Variants in SRSF10 observed in about 807,000 individuals in gnomAD.
SRSF10 encodes the protein serine/arginine-rich splicing factor 10.
Under a neutral mutation model 32.6 loss-of-function variants are expected in SRSF10, and 9 were observed. The observed-to-expected ratio is 0.28, with a 90% CI of 0.17 to 0.48. The LOEUF (loss-of-function observed/expected upper bound fraction) is 0.48. Among genes scored for constraint, SRSF10 ranks in the 20% least tolerant of loss-of-function variants. The probability of loss-of-function intolerance (pLI) is 0.99; values close to 1 mark genes in which losing one functional copy is unlikely to be tolerated. For missense variants in SRSF10, 201 were observed against 331.8 expected, an observed-to-expected ratio of 0.61 and a Z score of 3.06; for synonymous variants, 105 against 112.4, an observed-to-expected ratio of 0.93 and a Z score of 0.42.
chr1:23,974,560 C>G (rs962324979), intron 3 of SRSF10, among the ~76,000 whole-genome samples: 1 of 152,140 alleles, frequency 6.6e-6, no homozygotes, highest in Non-Finnish European at 1.5e-5. Flanking sequence ...CAGTAGCTCA[C>G]GCCTGTAATC....
At chr1:23,972,436 T>TC (rs1347361035) in intron 3 of SRSF10, among the ~76,000 whole-genome samples, 1 of 151,160 alleles carries the variant, frequency 6.6e-6, no homozygotes, top group Non-Finnish European at 1.5e-5. Context: ...GGTGTCTTTT[T>TC]TTTTTAATTA....
At chr1:23,980,110 C>A (rs1642372462) in intron 1 of SRSF10, 81 bp downstream of exon 1, 7 of 1,413,634 alleles carry the variant, frequency 5.0e-6, no homozygotes, top group South Asian at 3.8e-5. Flanking sequence ...CCTCCCCCGG[C>A]CCAGTGCCGC....
Position 23,980,217 on chromosome 1 carries a change from G to T in SRSF10, c.39C>A (p.Phe13Leu). ...RYLRPPNTSL[F>L]VRNVADDTRS... ...TGGTGTCGTCGGCCACGTTCCTGACGAACAGAGACGTGTTGGGGGGACGCA... is the reference window on the plus strand; with the variant it reads ...TGGTGTCGTCGGCCACGTTCCTGACTAACAGAGACGTGTTGGGGGGACGCA... The change falls in exon 1 of 6, where the codon TTC becomes TTA. Residue 13 changes from phenylalanine (F) to leucine (L), a missense_variant. Physicochemically the swap from Phe to Leu is conservative, Grantham distance 22. This residue lies in a region of SRSF10 where 41 missense variants were observed against 109.5 expected (regional missense o/e 0.37). Coordinates refer to ENST00000492112, the MANE Select transcript of SRSF10 (RefSeq NM_054016.4). 1 of 1,529,188 alleles carries T rather than the reference G, an allele frequency of 6.5e-7. No individual in the cohort carries two copies. The highest frequency in any genetic ancestry group is 2.7e-5 in the East Asian group (1 of 37,268). 94.7% of individuals were successfully genotyped at this position (1,529,188 alleles called of 1,614,324 possible).
chr1:23,977,701 G>A lies in SRSF10; in HGVS notation c.170+1012C>T, dbSNP rs374908648. 4.3e-3 allele frequency: 910 copies of A among 213,744 alleles called. 7 individuals are homozygous for A. Among genetic ancestry groups the A allele is most frequent in the African/African-American group, 0.018 (778 of 42,538 alleles). 13.2% of individuals were successfully genotyped at this position (213,744 alleles called of 1,614,324 possible). ...ACCACCTGGTCCAAAACCAAAATAT[G>A]CTGAATTTAATCTTAAGAATATACA... On this transcript the variant is annotated intron_variant, in intron 2 of 5. Coordinates refer to ENST00000492112, the MANE Select transcript of SRSF10 (RefSeq NM_054016.4).
intron 2 of SRSF10, chr1:23,977,943 T>C: frequency 1.0e-6 from 1 of 985,344 alleles, no homozygotes; most frequent in African/African-American, 1.7e-5. Flanking sequence ...TTGGCCATCA[T>C]TCAACTTCAT....
At position 23,971,935 on chromosome 1, in the gene SRSF10, G is replaced by A; in HGVS notation, c.352C>T (p.Arg118Cys). Reference protein sequence around the residue: ...SRYDDYDRYRRSRSRSYERRR... With the variant: ...SRYDDYDRYRCSRSRSYERRR... ...CTTTCATAACTTCGGCTTCTAGAAC[G>A]TCTGTATCTGTCATAATCATCATAG... Residue 118 changes from arginine (R) to cysteine (C), a missense_variant, in exon 4 of 6, where the codon CGT (arginine) becomes TGT (cysteine). This residue lies in a region of SRSF10 where 159 missense variants were observed against 196.7 expected (regional missense o/e 0.81). Transcript: ENST00000492112. The A allele has an allele frequency of 1.3e-6, 2 of 1,593,192 alleles. No individual in the cohort carries two copies. The highest frequency in any genetic ancestry group is 1.7e-6 in the Non-Finnish European group (2 of 1,173,408).
Position 23,971,895 on chromosome 1 carries a change from C to T in SRSF10, c.392G>A (p.Ser131Asn). The T allele has an allele frequency of 6.2e-7, 1 of 1,608,354 alleles. No individual in the cohort carries two copies. The highest frequency in any genetic ancestry group is 8.5e-7 in the Non-Finnish European group (1 of 1,178,338). Reference sequence around the variant, plus strand: ...TCTATAGTTGTAATCAAAAGACCGACTTCTTGATCTCCTCCTTTCATAACT... The same window carrying T: ...TCTATAGTTGTAATCAAAAGACCGATTTCTTGATCTCCTCCTTTCATAACT... ...SRSYERRRSRSRSFDYNYRRS... is the reference protein window; with the variant it reads ...SRSYERRRSRNRSFDYNYRRS... The change falls in exon 4 of 6, where the codon AGT (serine) becomes AAT (asparagine). Residue 131 changes from serine (S) to asparagine (N), a missense_variant. By Grantham distance (46) the Ser-to-Asn change is conservative. This residue lies in a region of SRSF10 where 159 missense variants were observed against 196.7 expected (regional missense o/e 0.81). Transcript: ENST00000492112.
In SRSF10 at chr1:23,967,902, C is replaced by T. The variant is rs566493668; in HGVS notation, c.*3240G>A. On this transcript the variant is annotated 3_prime_UTR_variant, in exon 6 of 6. Coordinates refer to ENST00000492112, the MANE Select transcript of SRSF10 (RefSeq NM_054016.4). ...ACTTAACAGCTCATACTCTATGTAGCACCTTTCCTCTCTCACTGAAGCATT... is the reference window on the plus strand; with the variant it reads ...ACTTAACAGCTCATACTCTATGTAGTACCTTTCCTCTCTCACTGAAGCATT... 230 of 1,548,726 alleles carry T rather than the reference C, an allele frequency of 1.5e-4. 2 individuals carry two copies. The African/African-American group carries it at 2.6e-3, about 18-fold the overall frequency.
At position 23,966,102 on chromosome 1, in the gene SRSF10, A is replaced by G. The variant is rs1641437219; in HGVS notation, c.*5040T>C. ...TAAAAACACTTCCCCATTGGATTAA[A>G]CAACAAACATGGTAACAAAAGATGA... is the stretch of plus-strand genomic sequence containing the variant. On this transcript the variant is annotated 3_prime_UTR_variant, in exon 6 of 6. Transcript: ENST00000492112. The G allele has an allele frequency of 1.3e-5, 2 of 152,116 alleles. No homozygotes were observed. The highest frequency in any genetic ancestry group is 3.9e-4 in the East Asian group (2 of 5,190). The allele number at this position is 152,116 out of a possible 1,614,324, so 9.4% of individuals were successfully genotyped here.
rs1641531786 is a variant in SRSF10, at chr1:23,967,943, TCTTG to T, written c.*3195_*3198del. The T allele has an allele frequency of 6.6e-7, 1 of 1,525,714 alleles. No individual in the cohort carries two copies. Among genetic ancestry groups the T allele is most frequent in the Non-Finnish European group, 8.8e-7 (1 of 1,138,622 alleles). 94.5% of individuals were successfully genotyped at this position (1,525,714 alleles called of 1,614,324 possible). On this transcript the variant is annotated 3_prime_UTR_variant, in exon 6 of 6. Coordinates refer to ENST00000492112, the MANE Select transcript of SRSF10 (RefSeq NM_054016.4). ...CTGAAGCATTATCTCTCATTTTTCT[TCTTG>T]CTTACTTGGCTTCAAAAAAAAAAAA...
rs1641368571 is a variant in SRSF10, at chr1:23,964,667, AT to A, written c.*6474del. On this transcript the variant is annotated 3_prime_UTR_variant, in exon 6 of 6. Transcript: ENST00000492112. ...TTTTGTGTAAGTTTCAGTTTCTAGT[AT>A]TTTGGTTGCATTCTTGTAGGCAATT... is the stretch of plus-strand genomic sequence containing the variant. 1 of 152,008 alleles carries A rather than the reference AT, an allele frequency of 6.6e-6. No individual in the cohort carries two copies. The highest frequency in any genetic ancestry group is 1.5e-5 in the Non-Finnish European group (1 of 67,900). 9.4% of individuals were successfully genotyped at this position (152,008 alleles called of 1,614,324 possible). A position where few individuals can be genotyped will look rare whatever the true frequency, so the allele number is the denominator to read the frequency against.
Position 23,969,707 on chromosome 1 carries a change from G to C in SRSF10, c.*1435C>G. 2.0e-6 allele frequency: 2 copies of C among 985,360 alleles called. No individual in the cohort carries two copies. The highest frequency in any genetic ancestry group is 2.4e-6 in the Non-Finnish European group (2 of 829,874). 61.0% of individuals were successfully genotyped at this position (985,360 alleles called of 1,614,324 possible). Reference sequence around the variant, plus strand: ...CTTTTGTCCCCAAAACGATCTTTCAGAGAAATACTAGAAATTATAAATGGT... The same window carrying C: ...CTTTTGTCCCCAAAACGATCTTTCACAGAAATACTAGAAATTATAAATGGT... On this transcript the variant is annotated 3_prime_UTR_variant, in exon 6 of 6. Coordinates refer to ENST00000492112, the MANE Select transcript of SRSF10 (RefSeq NM_054016.4).
At chr1:23,979,954 G>A (rs995242227) in intron 1 of SRSF10, among the ~76,000 whole-genome samples, 68 of 152,140 alleles carry the variant, frequency 4.5e-4, no homozygotes, top group Non-Finnish European at 8.8e-4. Flanking sequence ...TGCAAACTGC[G>A]GAGGGGGAGG....
In SRSF10 at chr1:23,971,265, T is replaced by C; in HGVS notation, c.666A>G (p.Arg222=). The change falls in exon 6 of 6, where the codon AGA becomes AGG. Residue 222 remains arginine, a synonymous_variant. Transcript: ENST00000492112. ...DSKTHYKSGS[R]YEKESRKKEP... is the part of the protein sequence containing the mutation. The stretch of plus-strand genomic sequence containing the variant: ...CTTTTTTCCTTGATTCCTTTTCATA[T>C]CTTGAGCCAGACTTATAATGTGTTT... 3 of 1,614,052 alleles carry C rather than the reference T, an allele frequency of 1.9e-6. No individual in the cohort carries two copies. Among genetic ancestry groups the C allele is most frequent in the South Asian group, 1.1e-5 (1 of 91,082 alleles).
chr1:23,968,043 C>A lies in SRSF10; in HGVS notation c.*3099G>T. 1 of 1,524,932 alleles carries A rather than the reference C, an allele frequency of 6.6e-7. No individual in the cohort carries two copies. The highest frequency in any genetic ancestry group is 8.8e-7 in the Non-Finnish European group (1 of 1,142,584). The allele number at this position is 1,524,932 out of a possible 1,614,324, so 94.5% of individuals were successfully genotyped here. The stretch of plus-strand genomic sequence containing the variant: ...GCCCTCATTTGAGTGTTGATATAAC[C>A]ATTCTATTTATCATTGAGCCCAGTC... On this transcript the variant is annotated 3_prime_UTR_variant, in exon 6 of 6. Transcript: ENST00000492112.
At chr1:23,979,888 C>T (rs1642348545) in intron 1 of SRSF10, among the ~76,000 whole-genome samples, 1 of 149,412 alleles carries the variant, frequency 6.7e-6, no homozygotes, top group Admixed American at 6.7e-5. Context: ...CGTCGGGTCG[C>T]GGAAAGGCCG....
intron 2 of SRSF10, chr1:23,977,870 T>C: frequency 1.4e-6 from 1 of 730,238 alleles, no homozygotes; most frequent in Non-Finnish European, 1.5e-6. Flanking sequence ...TTACAAAACA[T>C]TAAAAAAAAA....
rs1173841313 is a variant in SRSF10 at position 23,964,659 on chromosome 1, T to C, written c.*6483A>G. On this transcript the variant is annotated 3_prime_UTR_variant, in exon 6 of 6. Transcript: ENST00000492112. ...CTGAAAGGTTTTGTGTAAGTTTCAG[T>C]TTCTAGTATTTTGGTTGCATTCTTG... 5.9e-5 allele frequency: 9 copies of C among 152,016 alleles called. No homozygotes were observed. The highest frequency in any genetic ancestry group is 2.2e-4 in the African/African-American group (9 of 41,430). 9.4% of individuals were successfully genotyped at this position (152,016 alleles called of 1,614,324 possible). A position where few individuals can be genotyped will look rare whatever the true frequency, so the allele number is the denominator to read the frequency against.
At position 23,971,874 on chromosome 1, in the gene SRSF10, T is replaced by C. The variant is rs775707336; in HGVS notation, c.413A>G (p.Tyr138Cys). The C allele has an allele frequency of 5.6e-6, 9 of 1,609,166 alleles. No homozygotes were observed. In the Admixed American group the frequency reaches 1.0e-4, roughly 18 times the overall value. Reference sequence around the variant, plus strand: ...CTTTCTAGGACTATACGATCTTCTATAGTTGTAATCAAAAGACCGACTTCT... The same window carrying C: ...CTTTCTAGGACTATACGATCTTCTACAGTTGTAATCAAAAGACCGACTTCT... ...RSRSRSFDYN[Y>C]RRSYSPRNSR... is the part of the protein sequence containing the mutation. The change falls in exon 4 of 6, where the codon TAT becomes TGT. Residue 138 changes from tyrosine to cysteine, a missense_variant. This residue lies in a region of SRSF10 where 159 missense variants were observed against 196.7 expected (regional missense o/e 0.81). Transcript: ENST00000492112.
Sources: gnomAD v4.1 joint callset for allele counts (sites outside exome capture counted in the v4.1 genomes callset) on GRCh38, gnomAD v4.1.1 for gene constraint, gnomAD v4.1.1 regional missense constraint, MANE v1.5 for transcripts, NCBI Gene and HGNC (gene_info 2026-07-23, HGNC 2026-07-21) for gene names.